ABCD3: variants seen among roughly 807,000 people sequenced by gnomAD.
The protein encoded by ABCD3 is ATP binding cassette subfamily D member 3, also known as ATP-binding cassette sub-family D member 3.
A neutral mutation model predicts 105.5 loss-of-function variants in ABCD3; 41 were observed. That is an observed-to-expected ratio of 0.39 (90% CI 0.30 to 0.50). The LOEUF is 0.50. Ranked by LOEUF, ABCD3 falls within the 20% of genes least tolerant of loss-of-function variation. ABCD3 has a pLI of 0.84. For missense variants in ABCD3, 622 were observed against 806.3 expected (o/e 0.77, Z 2.77); for synonymous variants, 258 against 269.0 (o/e 0.96, Z 0.40).
intron 1 of ABCD3, among the ~76,000 whole-genome samples, chr1:94,427,520 C>CCTAGG (rs1341770198): frequency 1.3e-5 from 2 of 152,202 alleles, no homozygotes; most frequent in African/African-American, 4.8e-5. Context: ...GGATCAACAT[C>CCTAGG]ACACTCATCC....
intron 1 of ABCD3, among the ~76,000 whole-genome samples, chr1:94,422,599 G>A (rs1659302009): frequency 1.3e-5 from 2 of 152,100 alleles, no homozygotes; most frequent in Admixed American, 6.5e-5. Flanking sequence ...GTTTCTTGAG[G>A]GCATGAACTG....
intron 1 of ABCD3, among the ~76,000 whole-genome samples, chr1:94,436,260 C>G (rs879436379): frequency 6.6e-6 from 1 of 152,186 alleles, no homozygotes. Flanking sequence ...TTATCATCTT[C>G]TATTTACATC....
intron 1 of ABCD3, among the ~76,000 whole-genome samples, chr1:94,444,460 T>C (rs970233148): frequency 6.6e-6 from 1 of 152,094 alleles, no homozygotes; most frequent in Non-Finnish European, 1.5e-5. Context: ...CCACTGCACC[T>C]GGCCATTTTT....
chr1:94,417,778 A>G (rs1422956683), upstream of ABCD3, among the ~76,000 whole-genome samples: 5 of 152,238 alleles, frequency 3.3e-5, no homozygotes, highest in East Asian at 7.7e-4. Flanking sequence ...TTTATTAAAA[A>G]CGGAGGGTGA....
At chr1:94,424,408 C>T (rs1188430871) in intron 1 of ABCD3, among the ~76,000 whole-genome samples, 3 of 152,008 alleles carry the variant, frequency 2.0e-5, no homozygotes, top group Admixed American at 1.3e-4. Context: ...CTTCTATTGC[C>T]ATTCGATTTA....
At chr1:94,454,744 A>G (rs1647460022) in intron 1 of ABCD3, among the ~76,000 whole-genome samples, 1 of 152,118 alleles carries the variant, frequency 6.6e-6, no homozygotes, top group African/African-American at 2.4e-5. Flanking sequence ...CTCTGCCTCC[A>G]GGGTTCAAGC....
At chr1:94,454,840 CA>C (rs1304578726) in intron 1 of ABCD3, among the ~76,000 whole-genome samples, 2 of 152,026 alleles carry the variant, frequency 1.3e-5, no homozygotes, top group East Asian at 3.9e-4. Context: ...TTAGTAGAGA[CA>C]GGGTTTTGCC....
intron 4 of ABCD3, among the ~76,000 whole-genome samples, chr1:94,470,750 CTCT>C (rs2100987557): frequency 6.6e-6 from 1 of 151,986 alleles, no homozygotes; most frequent in East Asian, 1.9e-4. Flanking sequence ...CTTATAATTT[CTCT>C]TCTATTTTTG....
chr1:94,506,896 A>T (rs1376449123), intron 21 of ABCD3, among the ~76,000 whole-genome samples: 1 of 151,998 alleles, frequency 6.6e-6, no homozygotes, highest in East Asian at 1.9e-4. Context: ...TATAAAAGAT[A>T]TATATAAATG....
At position 94,478,272 on chromosome 1, in the gene ABCD3, T is replaced by C; in HGVS notation, c.641T>C (p.Ile214Thr). 6.3e-7 allele frequency: 1 copy of C among 1,597,644 alleles called. No homozygotes were observed. The highest frequency in any genetic ancestry group is 8.6e-7 in the Non-Finnish European group (1 of 1,167,280). The change falls in exon 8 of 23, where the codon ATA becomes ACA. Residue 214 changes from isoleucine to threonine, a missense_variant. Around this residue, in one of 4 missense-constraint regions of ABCD3, gnomAD observed 245 missense variants for 356.4 expected, o/e 0.69. Coordinates refer to ENST00000370214, the MANE Select transcript of ABCD3 (RefSeq NM_002858.4). Reference sequence around the variant, plus strand: ...TTTATTTTACAGCCATTTTTAGACATAGTTTTGTATATCTTTAAGTTAACG... The same window carrying C: ...TTTATTTTACAGCCATTTTTAGACACAGTTTTGTATATCTTTAAGTTAACG... ...YSNLSKPFLD[I>T]VLYIFKLTSA...
the ABCD3 span, among the ~76,000 whole-genome samples, chr1:94,393,458 G>T: frequency 6.6e-6 from 1 of 151,956 alleles, no homozygotes; most frequent in Non-Finnish European, 1.5e-5. Context: ...GGTCAAGGTG[G>T]TAAAACCCCG....
chr1:94,502,333 C>T (rs1650135927), intron 20 of ABCD3, among the ~76,000 whole-genome samples: 1 of 152,144 alleles, frequency 6.6e-6, no homozygotes, highest in African/African-American at 2.4e-5. Context: ...AATAACTCGC[C>T]TTCTACTTTT....
Position 94,445,389 on chromosome 1 carries a change from G to A in ABCD3, c.111-13218G>A, listed in dbSNP as rs1486603668. ...TGGAACTAAGCAGGAGGACACCCGGGTACTCTAAGCAGTCCCCATGGTGGG... is the reference window on the plus strand; with the variant it reads ...TGGAACTAAGCAGGAGGACACCCGGATACTCTAAGCAGTCCCCATGGTGGG... On this transcript the variant is annotated intron_variant, in intron 1 of 22. Transcript: ENST00000370214. Among the ~76,000 whole-genome samples, 4 of 152,180 alleles carry A rather than the reference G, an allele frequency of 2.6e-5. No homozygotes were observed. In the East Asian group the frequency reaches 7.7e-4, roughly 29 times the overall value.
chr1:94,506,942 T>A (rs370628199), intron 21 of ABCD3, among the ~76,000 whole-genome samples: 94 of 151,910 alleles, frequency 6.2e-4, no homozygotes, highest in African/African-American at 1.8e-3. Context: ...TATAAATGAG[T>A]TACAAAAGTT....
intron 4 of ABCD3, among the ~76,000 whole-genome samples, chr1:94,471,330 A>G (rs541316742): frequency 6.6e-6 from 1 of 152,082 alleles, no homozygotes; most frequent in East Asian, 1.9e-4. Flanking sequence ...AGTTGAGTCA[A>G]GAGGATCACT....
chr1:94,386,412 G>A, the ABCD3 span, among the ~76,000 whole-genome samples: 1 of 152,144 alleles, frequency 6.6e-6, no homozygotes, highest in Non-Finnish European at 1.5e-5. Flanking sequence ...AAGATAACCT[G>A]GGTTTTAATC....
intron 21 of ABCD3, chr1:94,513,781 AATT>A (rs950910031): frequency 4.8e-4 from 73 of 152,116 alleles, no homozygotes; most frequent in African/African-American, 1.6e-3. Flanking sequence ...TGTCTAATCC[AATT>A]ATTGTAGTAT....
intron 4 of ABCD3, among the ~76,000 whole-genome samples, chr1:94,472,828 G>A (rs916432516): frequency 1.8e-4 from 27 of 152,186 alleles, no homozygotes; most frequent in East Asian, 5.8e-4. Context: ...ATATAAATAT[G>A]TCTTATGAAA....
intron 1 of ABCD3, among the ~76,000 whole-genome samples, chr1:94,442,135 T>C (rs972115230): frequency 6.6e-6 from 1 of 152,174 alleles, no homozygotes; most frequent in African/African-American, 2.4e-5. Flanking sequence ...GAACATTAAT[T>C]GGGAAATCTA....
Sources: allele counts gnomAD v4.1 joint callset (sites outside exome capture counted in the v4.1 genomes callset), GRCh38; gene constraint gnomAD v4.1.1; regional missense constraint gnomAD v4.1.1; transcripts MANE v1.5; gene names NCBI Gene and HGNC (gene_info 2026-07-23, HGNC 2026-07-21).